CSMD1: variants seen among roughly 807,000 people sequenced by gnomAD.
CSMD1 encodes the protein CUB and sushi domain-containing protein 1.
Under a neutral mutation model 417.5 loss-of-function variants are expected in CSMD1, and 213 were observed. The observed-to-expected ratio is 0.51, with a 90% CI of 0.46 to 0.57. CSMD1 has a LOEUF of 0.57. Ranked by LOEUF, CSMD1 falls within the 20% of genes least tolerant of loss-of-function variation. The pLI, the probability that CSMD1 is intolerant of heterozygous loss-of-function variation, is 0.00. For missense variants in CSMD1, 6,923 were observed against 4,529.7 expected (o/e 1.53, Z -15.17); for synonymous variants, 2,862 against 1,736.8 (o/e 1.65, Z -16.11).
chr8:4,557,034 T>A (rs904534940), intron 2 of CSMD1, among the ~76,000 whole-genome samples: 3 of 152,228 alleles, frequency 2.0e-5, no homozygotes, highest in African/African-American at 7.2e-5. Context: ...CAAGTGTAAT[T>A]TTTATAAAGG....
rs1474231518 is a variant in CSMD1 at position 3,406,218 on chromosome 8, A to C, written c.2075T>G (p.Phe692Cys). ...GRGFNITYTT[F>C]GQNECHDPGI... is the part of the protein sequence containing the mutation. ...AGGATCATGGCACTCATTCTGACCA[A>C]ATGCTGAAAGAAAAAGAAGAAGAAA... Residue 692 changes from phenylalanine to cysteine, a missense_variant, in exon 15 of 70, where the codon TTT becomes TGT. Transcript: ENST00000635120. 2 of 1,594,862 alleles carry C rather than the reference A, an allele frequency of 1.3e-6. No individual in the cohort carries two copies. The highest frequency in any genetic ancestry group is 1.7e-6 in the Non-Finnish European group (2 of 1,171,510).
intron 3 of CSMD1, among the ~76,000 whole-genome samples, chr8:4,040,812 G>C (rs1040511972): frequency 2.6e-5 from 4 of 152,070 alleles, no homozygotes; most frequent in African/African-American, 7.2e-5. Context: ...ATTTTTAATA[G>C]CACGTGAAAG....
chr8:4,895,253 A>G (rs762649513), intron 1 of CSMD1, among the ~76,000 whole-genome samples: 1 of 152,184 alleles, frequency 6.6e-6, no homozygotes, highest in Non-Finnish European at 1.5e-5. Flanking sequence ...AGAGATGAAC[A>G]ATTTCTGACT....
chr8:3,923,602 A>G (rs1265013829), intron 5 of CSMD1, among the ~76,000 whole-genome samples: 1 of 151,970 alleles, frequency 6.6e-6, no homozygotes, highest in Non-Finnish European at 1.5e-5. Flanking sequence ...CACCTCATAT[A>G]CTCACCATTT....
chr8:4,380,517 G>A (rs74972945), intron 3 of CSMD1, among the ~76,000 whole-genome samples: 3 of 152,214 alleles, frequency 2.0e-5, no homozygotes, highest in East Asian at 1.9e-4. Flanking sequence ...ACAGCCAAGG[G>A]GAGCCCAAGG....
chr8:4,079,431 A>G (rs1004851021), intron 3 of CSMD1, among the ~76,000 whole-genome samples: 3 of 152,244 alleles, frequency 2.0e-5, no homozygotes, highest in Admixed American at 6.5e-5. Context: ...AACAGGATAT[A>G]GAACACCATC....
chr8:4,612,228 C>T (rs1182873954), intron 2 of CSMD1, among the ~76,000 whole-genome samples: 4 of 152,086 alleles, frequency 2.6e-5, no homozygotes, highest in Non-Finnish European at 5.9e-5. Flanking sequence ...CCTTTGTTTT[C>T]AACACTTCCG....
intron 8 of CSMD1, among the ~76,000 whole-genome samples, chr8:3,614,363 A>G (rs1481565870): frequency 6.6e-6 from 1 of 152,122 alleles, no homozygotes; most frequent in Non-Finnish European, 1.5e-5. Flanking sequence ...CCCGAGCCAG[A>G]TCAACACAGC....
At chr8:4,252,692 C>A (rs766844168) in intron 3 of CSMD1, among the ~76,000 whole-genome samples, 8 of 152,190 alleles carry the variant, frequency 5.3e-5, no homozygotes, top group Non-Finnish European at 8.8e-5. Flanking sequence ...CAGTGAAATG[C>A]TAACAATATC....
At chr8:3,311,523 T>A (rs915937591) in intron 23 of CSMD1, among the ~76,000 whole-genome samples, 1 of 151,022 alleles carries the variant, frequency 6.6e-6, no homozygotes, top group Admixed American at 6.6e-5. Flanking sequence ...GTGCTGGAAT[T>A]ATAAGCATGA....
At chr8:4,310,088 T>A (rs1052318623) in intron 3 of CSMD1, among the ~76,000 whole-genome samples, 3 of 152,166 alleles carry the variant, frequency 2.0e-5, no homozygotes, top group African/African-American at 7.2e-5. Flanking sequence ...TCTGCAATTA[T>A]CACCTCTCAG....
At chr8:3,317,393 T>C (rs1309001619) in intron 23 of CSMD1, among the ~76,000 whole-genome samples, 2 of 152,222 alleles carry the variant, frequency 1.3e-5, no homozygotes, top group Non-Finnish European at 2.9e-5. Flanking sequence ...ACCCAAGCTA[T>C]AGGCATAGAC....
chr8:4,062,416 C>T (rs187098333), intron 3 of CSMD1, among the ~76,000 whole-genome samples: 48 of 152,106 alleles, frequency 3.2e-4, no homozygotes, highest in Admixed American at 2.9e-3. Flanking sequence ...GTTGTACATA[C>T]GTATTCTAGA....
At chr8:4,650,340 G>A (rs1406679864) in intron 1 of CSMD1, among the ~76,000 whole-genome samples, 7 of 97,736 alleles carry the variant, frequency 7.2e-5, no homozygotes, top group Admixed American at 4.1e-4. Flanking sequence ...ACGAGACTCC[G>A]TCTCAAGAAA....
At chr8:3,940,512 T>C (rs1250559796) in intron 5 of CSMD1, among the ~76,000 whole-genome samples, 1 of 150,830 alleles carries the variant, frequency 6.6e-6, no homozygotes, top group African/African-American at 2.4e-5. Flanking sequence ...TGTGTGTGTG[T>C]GTGTGTGTGT....
At chr8:3,731,266 C>T (rs552356048) in intron 6 of CSMD1, among the ~76,000 whole-genome samples, 9 of 152,302 alleles carry the variant, frequency 5.9e-5, no homozygotes, top group South Asian at 2.1e-4. Context: ...CTACATTGAC[C>T]AGCATTTATG....
At chr8:4,659,414 A>G (rs1309877728) in intron 1 of CSMD1, among the ~76,000 whole-genome samples, 1 of 152,206 alleles carries the variant, frequency 6.6e-6, no homozygotes, top group African/African-American at 2.4e-5. Flanking sequence ...AATAGAATCT[A>G]CAAACATAAT....
At chr8:3,808,009 G>C (rs538921590) in intron 5 of CSMD1, among the ~76,000 whole-genome samples, 2 of 152,092 alleles carry the variant, frequency 1.3e-5, no homozygotes, top group Admixed American at 6.5e-5. Context: ...CTTTAAAGTC[G>C]TCTCATTCTT....
intron 5 of CSMD1, among the ~76,000 whole-genome samples, chr8:3,839,449 AATATAAT>A (rs1358149746): frequency 2.5e-5 from 3 of 119,382 alleles, no homozygotes; most frequent in African/African-American, 1.0e-4. Context: ...TATATATTAT[AATATAAT>A]ATATTATATA....
Sources: gnomAD v4.1 joint callset for allele counts (sites outside exome capture counted in the v4.1 genomes callset) on GRCh38, gnomAD v4.1.1 for gene constraint, MANE v1.5 for transcripts, NCBI Gene and HGNC (gene_info 2026-07-23, HGNC 2026-07-21) for gene names.